The following GPC5 variants were observed in gnomAD, a reference collection of about 807,000 sequenced individuals.
GPC5 encodes the protein glypican 5.
A neutral mutation model predicts 53.9 loss-of-function variants in GPC5; 47 were observed. The observed-to-expected ratio is 0.87, with a 90% CI of 0.69 to 1.11. The LOEUF (loss-of-function observed/expected upper bound fraction) is 1.11. GPC5 is among the 50% of genes most tolerant of loss of function. The pLI, the probability that GPC5 is intolerant of heterozygous loss-of-function variation, is 0.00. For missense variants in GPC5, 748 were observed against 713.1 expected (o/e 1.05, Z -0.56); for synonymous variants, 286 against 263.3 (o/e 1.09, Z -0.84).
intron 7 of GPC5, among the ~76,000 whole-genome samples, chr13:92,272,971 C>T (rs1462579640): frequency 6.6e-6 from 1 of 152,128 alleles, no homozygotes; most frequent in Non-Finnish European, 1.5e-5. Context: ...GAGAGTAAAG[C>T]AAGTCAACTT....
intron 1 of GPC5, among the ~76,000 whole-genome samples, chr13:91,421,086 CA>C (rs1422467832): frequency 1.3e-5 from 2 of 152,168 alleles, no homozygotes; most frequent in African/African-American, 4.8e-5. Context: ...ATTATGCTAT[CA>C]GGAGCATATT....
chr13:91,659,088 G>T (rs909089679), intron 2 of GPC5, among the ~76,000 whole-genome samples: 1 of 152,066 alleles, frequency 6.6e-6, no homozygotes, highest in Non-Finnish European at 1.5e-5. Context: ...TGTTGAATAA[G>T]TAAATAAATA....
rs961508266 is a variant in GPC5 at position 91,988,547 on chromosome 13, G to A, written c.1401+80490G>A. 3.9e-5 allele frequency among the ~76,000 whole-genome samples: 6 copies of A among 152,166 alleles called. No individual in the cohort carries two copies. The East Asian group carries it at 5.8e-4, about 15-fold the overall frequency. On this transcript the variant is annotated intron_variant, in intron 6 of 7. Coordinates refer to ENST00000377067, the MANE Select transcript of GPC5 (RefSeq NM_004466.6). ...AGGAACAGCAATCTGGAAGATCAGC[G>A]CTGTGAAAGGCATGCTGTTGGTAGC...
intron 3 of GPC5, among the ~76,000 whole-genome samples, chr13:91,697,425 G>A (rs1304129888): frequency 2.0e-5 from 3 of 152,164 alleles, no homozygotes; most frequent in Non-Finnish European, 4.4e-5. Flanking sequence ...ACAGGCATGA[G>A]CCACCACGCC....
chr13:92,854,188 T>C (rs1423321590), intron 7 of GPC5, among the ~76,000 whole-genome samples: 1 of 149,094 alleles, frequency 6.7e-6, no homozygotes, highest in East Asian at 1.9e-4. Context: ...ACCCCACCTG[T>C]AGTGATGGTA....
intron 7 of GPC5, among the ~76,000 whole-genome samples, chr13:92,786,206 A>C (rs567909224): frequency 1.3e-5 from 2 of 152,320 alleles, no homozygotes; most frequent in South Asian, 4.1e-4. Flanking sequence ...TAGTAGAAAT[A>C]AATACAAGAG....
chr13:92,427,756 C>A (rs1041660578), intron 7 of GPC5, among the ~76,000 whole-genome samples: 2 of 152,016 alleles, frequency 1.3e-5, no homozygotes, highest in South Asian at 2.1e-4. Context: ...AGCCCAATAA[C>A]GTTTGAAGTA....
chr13:92,384,225 C>T (rs2043773685), intron 7 of GPC5, among the ~76,000 whole-genome samples: 1 of 151,552 alleles, frequency 6.6e-6, no homozygotes, highest in Admixed American at 6.6e-5. Flanking sequence ...AATGGGGCAG[C>T]TATTTGTACA....
intron 2 of GPC5, among the ~76,000 whole-genome samples, chr13:91,623,082 C>A (rs74107725): frequency 0.039 from 5,889 of 152,082 alleles, 142 homozygotes; most frequent in African/African-American, 0.061. Context: ...CTTGAAATAT[C>A]TTTATATCTC....
chr13:92,144,629 G>C (rs1010949618), intron 6 of GPC5, among the ~76,000 whole-genome samples: 1 of 152,210 alleles, frequency 6.6e-6, no homozygotes, highest in African/African-American at 2.4e-5. Flanking sequence ...AATACATAGA[G>C]TGTAGCTCTT....
At chr13:91,782,889 T>A (rs983127288) in intron 5 of GPC5, among the ~76,000 whole-genome samples, 1 of 152,078 alleles carries the variant, frequency 6.6e-6, no homozygotes, top group African/African-American at 2.4e-5. Flanking sequence ...AAGGAAAGCA[T>A]CACACAGATA....
intron 6 of GPC5, among the ~76,000 whole-genome samples, chr13:91,917,474 C>A (rs2039670787): frequency 6.6e-6 from 1 of 152,184 alleles, no homozygotes; most frequent in Admixed American, 6.5e-5. Context: ...GTTGGTGGAT[C>A]TACCATTCTG....
intron 6 of GPC5, among the ~76,000 whole-genome samples, chr13:92,007,857 A>C (rs2040621513): frequency 6.6e-6 from 1 of 152,088 alleles, no homozygotes; most frequent in Non-Finnish European, 1.5e-5. Context: ...AGGCACTGGC[A>C]ACGTATCCTA....
intron 6 of GPC5, among the ~76,000 whole-genome samples, chr13:92,073,010 G>T (rs1275089166): frequency 6.7e-6 from 1 of 148,322 alleles, no homozygotes; most frequent in Non-Finnish European, 1.5e-5. Flanking sequence ...GGATTTGCTT[G>T]TGTTTTCTCA....
chr13:91,768,493 A>C (rs182092382), intron 5 of GPC5, among the ~76,000 whole-genome samples: 91 of 152,334 alleles, frequency 6.0e-4, no homozygotes, highest in African/African-American at 2.0e-3. Context: ...CACACACACA[A>C]AAATAATTCG....
At chr13:92,318,726 G>A (rs980259028) in intron 7 of GPC5, among the ~76,000 whole-genome samples, 2 of 152,028 alleles carry the variant, frequency 1.3e-5, no homozygotes, top group Admixed American at 6.6e-5. Context: ...TATAAAGTTG[G>A]TCTTTGCTTC....
rs3058805 is a variant in GPC5 at position 92,122,740 on chromosome 13, CTTTTTTTTTTTTTT to C, written c.1402-22076_1402-22063del. On this transcript the variant is annotated intron_variant, in intron 6 of 7. Coordinates refer to ENST00000377067, the MANE Select transcript of GPC5 (RefSeq NM_004466.6). ...CTTTCCTCCTGGCCTATAGGTCAGTCTTTTTTTTTTTTTTTTTTTTTTTTTTTAACATTTTTAGC... is the reference window on the plus strand; with the variant it reads ...CTTTCCTCCTGGCCTATAGGTCAGTCTTTTTTTTTTTTTAACATTTTTAGC... Among the ~76,000 whole-genome samples the C allele has an allele frequency of 2.2e-3, 151 of 67,126 alleles. 1 individual carries two copies. The highest frequency in any genetic ancestry group is 8.6e-3 in the African/African-American group (139 of 16,142). The allele number at this position is 67,126 out of a possible 152,430, so 44.0% of individuals were successfully genotyped here.
At chr13:91,421,373 A>G (rs1167993404) in intron 1 of GPC5, among the ~76,000 whole-genome samples, 1 of 152,202 alleles carries the variant, frequency 6.6e-6, no homozygotes, top group Non-Finnish European at 1.5e-5. Context: ...AAAAGAGCAC[A>G]TTTTTATAAT....
At chr13:92,621,184 A>G (rs1884857123) in intron 7 of GPC5, among the ~76,000 whole-genome samples, 1 of 152,160 alleles carries the variant, frequency 6.6e-6, no homozygotes. Flanking sequence ...CAGAGTTGTC[A>G]TCAGACAATG....
Sources: gnomAD v4.1 joint callset for allele counts (sites outside exome capture counted in the v4.1 genomes callset) on GRCh38, gnomAD v4.1.1 for gene constraint, MANE v1.5 for transcripts, NCBI Gene and HGNC (gene_info 2026-07-23, HGNC 2026-07-21) for gene names.